KCNIP4: variants seen among roughly 807,000 people sequenced by gnomAD.
KCNIP4 encodes the protein Kv channel-interacting protein 4.
A neutral mutation model predicts 34.0 loss-of-function variants in KCNIP4; 12 were observed. The ratio of observed to expected loss-of-function variants is 0.35; its 90% CI spans 0.23 to 0.57. KCNIP4 has a LOEUF of 0.57. Among genes scored for constraint, KCNIP4 ranks in the 20% least tolerant of loss-of-function variants. KCNIP4 has a pLI of 0.83. For synonymous variants in KCNIP4, 124 were observed against 102.2 expected, an observed-to-expected ratio of 1.21 and a Z score of -1.29; for missense variants, 238 against 311.7, an observed-to-expected ratio of 0.76 and a Z score of 1.78.
chr4:20,824,407 C>T (rs956870138), intron 3 of KCNIP4, among the ~76,000 whole-genome samples: 2 of 152,108 alleles, frequency 1.3e-5, no homozygotes, highest in Admixed American at 6.5e-5. Flanking sequence ...TTAGGCCAGG[C>T]GTGGTAGCTC....
intron 1 of KCNIP4, among the ~76,000 whole-genome samples, chr4:21,098,502 G>A (rs917415852): frequency 3.3e-5 from 5 of 152,068 alleles, no homozygotes; most frequent in African/African-American, 1.2e-4. Context: ...GTGTCCCTAA[G>A]AATTATGCTA....
intron 1 of KCNIP4, among the ~76,000 whole-genome samples, chr4:21,537,593 G>A (rs987495588): frequency 1.3e-5 from 2 of 152,088 alleles, no homozygotes; most frequent in African/African-American, 4.8e-5. Context: ...TGTCTACTTG[G>A]AATTTGTGAA....
At chr4:21,881,924 C>T (rs1392127776) in intron 1 of KCNIP4, among the ~76,000 whole-genome samples, 5 of 152,088 alleles carry the variant, frequency 3.3e-5, no homozygotes, top group African/African-American at 1.2e-4. Flanking sequence ...ACTATAGACC[C>T]GTATCCCATG....
chr4:20,963,060 A>G lies in KCNIP4; in HGVS notation c.62-80351T>C, dbSNP rs199995308. Among the ~76,000 whole-genome samples, 8 of 152,264 alleles carry G rather than the reference A, an allele frequency of 5.3e-5. No homozygotes were observed. The East Asian group carries it at 1.2e-3, about 22-fold the overall frequency. On this transcript the variant is annotated intron_variant, in intron 1 of 8. Coordinates refer to ENST00000382152, the MANE Select transcript of KCNIP4 (RefSeq NM_025221.6). Reference sequence around the variant, plus strand: ...GAATAGGCCAGACATGGTGGCTCACATCTGTAATCCCAGCACTTTGGGAGG... The same window carrying G: ...GAATAGGCCAGACATGGTGGCTCACGTCTGTAATCCCAGCACTTTGGGAGG...
At chr4:21,813,335 C>A (rs1343832061) in intron 1 of KCNIP4, among the ~76,000 whole-genome samples, 1 of 152,062 alleles carries the variant, frequency 6.6e-6, no homozygotes, top group Non-Finnish European at 1.5e-5. Flanking sequence ...ATAGTATTAA[C>A]AACACAAATT....
At chr4:21,633,712 T>G (rs1745921117) in intron 1 of KCNIP4, among the ~76,000 whole-genome samples, 1 of 152,126 alleles carries the variant, frequency 6.6e-6, no homozygotes, top group Admixed American at 6.6e-5. Flanking sequence ...TCTAAGAACT[T>G]TTGTTAATAT....
At chr4:20,874,145 T>C (rs1288547126) in intron 2 of KCNIP4, among the ~76,000 whole-genome samples, 1 of 152,164 alleles carries the variant, frequency 6.6e-6, no homozygotes, top group Non-Finnish European at 1.5e-5. Context: ...TGAGCAAACT[T>C]ACAGATTATT....
Position 20,754,625 on chromosome 4 carries a change from TGTG to T in KCNIP4, c.358+4193_358+4195del, listed in dbSNP as rs531085108. ...TTTCATTTCCTTCAGCGATGCCTCA[TGTG>T]GTCAGATTTCTGCATTCAATTAACA... On this transcript the variant is annotated intron_variant, in intron 4 of 8. Coordinates refer to ENST00000382152, the MANE Select transcript of KCNIP4 (RefSeq NM_025221.6). Among the ~76,000 whole-genome samples, 31 of 152,312 alleles carry T rather than the reference TGTG, an allele frequency of 2.0e-4. 1 individual carries two copies. The South Asian group carries it at 4.8e-3, about 23-fold the overall frequency.
chr4:21,639,252 T>C (rs879230383), intron 1 of KCNIP4, among the ~76,000 whole-genome samples: 1 of 152,174 alleles, frequency 6.6e-6, no homozygotes. Context: ...TCTATTAGAC[T>C]TAATCACATA....
In KCNIP4 at chr4:20,759,082, G is replaced by A. The variant is rs548773644; in HGVS notation, c.289-192C>T. Reference sequence around the variant, plus strand: ...TCCAGTTCTCACAAGAAAAAAAAACGTAGATGTAAATATCTTTGCATATTG... The same window carrying A: ...TCCAGTTCTCACAAGAAAAAAAAACATAGATGTAAATATCTTTGCATATTG... On this transcript the variant is annotated intron_variant, in intron 3 of 8. Coordinates refer to ENST00000382152, the MANE Select transcript of KCNIP4 (RefSeq NM_025221.6). Among the ~76,000 whole-genome samples the A allele has an allele frequency of 1.2e-3, 184 of 152,106 alleles. 1 individual carries two copies. The highest frequency in any genetic ancestry group is 4.1e-3 in the African/African-American group (169 of 41,472).
chr4:21,369,619 A>G (rs970779580), intron 1 of KCNIP4, among the ~76,000 whole-genome samples: 2 of 146,710 alleles, frequency 1.4e-5, no homozygotes, highest in Admixed American at 1.3e-4. Context: ...TAAAAGAAGA[A>G]TGTAATTTGT....
chr4:21,934,561 A>C (rs1350973644), intron 1 of KCNIP4, among the ~76,000 whole-genome samples: 3 of 151,968 alleles, frequency 2.0e-5, no homozygotes, highest in Non-Finnish European at 4.4e-5. Context: ...TCACAGGGAG[A>C]TTTTCCAGTT....
intron 1 of KCNIP4, among the ~76,000 whole-genome samples, chr4:21,824,299 G>A (rs1252553549): frequency 6.6e-6 from 1 of 152,156 alleles, no homozygotes; most frequent in Non-Finnish European, 1.5e-5. Flanking sequence ...GACTGCCTAT[G>A]TAAGACTAAC....
intron 1 of KCNIP4, among the ~76,000 whole-genome samples, chr4:21,654,542 T>C (rs971247642): frequency 6.6e-6 from 1 of 152,070 alleles, no homozygotes; most frequent in South Asian, 2.1e-4. Flanking sequence ...TTGATACCTC[T>C]AGATAAAAGG....
At chr4:21,225,029 T>A (rs1023218872) in intron 1 of KCNIP4, among the ~76,000 whole-genome samples, 1 of 152,216 alleles carries the variant, frequency 6.6e-6, no homozygotes, top group Non-Finnish European at 1.5e-5. Context: ...TGGGCTACTG[T>A]AAGTGTTCTG....
intron 1 of KCNIP4, among the ~76,000 whole-genome samples, chr4:21,891,006 C>T (rs1490954545): frequency 2.0e-5 from 3 of 152,212 alleles, no homozygotes; most frequent in East Asian, 1.9e-4. Context: ...CAGCAACCTC[C>T]ACCTGGCAAC....
At chr4:20,909,428 G>A (rs1728114301) in intron 1 of KCNIP4, among the ~76,000 whole-genome samples, 1 of 152,088 alleles carries the variant, frequency 6.6e-6, no homozygotes, top group African/African-American at 2.4e-5. Flanking sequence ...CATGACCCCA[G>A]CATCTTGAGA....
At chr4:21,142,436 C>G (rs1273041702) in intron 1 of KCNIP4, among the ~76,000 whole-genome samples, 2 of 152,086 alleles carry the variant, frequency 1.3e-5, no homozygotes, top group Non-Finnish European at 2.9e-5. Flanking sequence ...CTTTTATACT[C>G]CTGGAAGATG....
intron 1 of KCNIP4, among the ~76,000 whole-genome samples, chr4:20,885,156 G>A (rs1214282234): frequency 6.7e-6 from 1 of 150,094 alleles, no homozygotes; most frequent in African/African-American, 2.5e-5. Flanking sequence ...AATGATAATG[G>A]CCCTTCCCCA....
Sources: gnomAD v4.1 joint callset for allele counts (sites outside exome capture counted in the v4.1 genomes callset) on GRCh38, gnomAD v4.1.1 for gene constraint, MANE v1.5 for transcripts, NCBI Gene and HGNC (gene_info 2026-07-23, HGNC 2026-07-21) for gene names.